The following ATAD2B variants were observed in gnomAD, a reference collection of about 807,000 sequenced individuals.
The protein encoded by ATAD2B is ATPase family AAA domain containing 2B, also known as ATPase family AAA domain-containing protein 2B.
Under a neutral mutation model 167.6 loss-of-function variants are expected in ATAD2B, and 40 were observed. That is an observed-to-expected ratio of 0.24 (90% CI 0.19 to 0.31). The LOEUF is 0.31. ATAD2B is among the 10% of genes least tolerant of loss of function. The pLI, the probability that ATAD2B is intolerant of heterozygous loss-of-function variation, is 1.00. For missense variants in ATAD2B, 1,242 were observed against 1,757.2 expected (o/e 0.71, Z 5.24); for synonymous variants, 579 against 596.5 (o/e 0.97, Z 0.43).
At chr2:23,870,574 C>T (rs1011977794) in intron 8 of ATAD2B, among the ~76,000 whole-genome samples, 1 of 151,734 alleles carries the variant, frequency 6.6e-6, no homozygotes, top group African/African-American at 2.4e-5. Flanking sequence ...ATATAAGCCA[C>T]CGCACAGGGC....
At chr2:23,889,924 C>CA (rs1432403903) in intron 2 of ATAD2B, among the ~76,000 whole-genome samples, 3 of 144,880 alleles carry the variant, frequency 2.1e-5, no homozygotes, top group Non-Finnish European at 4.6e-5. Flanking sequence ...ATCTAAAAAA[C>CA]AAAAAACAGG....
At chr2:23,687,362 C>G in the ATAD2B span, among the ~76,000 whole-genome samples, 2 of 152,232 alleles carry the variant, frequency 1.3e-5, no homozygotes, top group Non-Finnish European at 1.5e-5. Flanking sequence ...GTGTCCACCA[C>G]TCCAGCCCCA....
chr2:23,892,195 G>A (rs926350037), intron 2 of ATAD2B, among the ~76,000 whole-genome samples: 3 of 151,994 alleles, frequency 2.0e-5, no homozygotes, highest in Non-Finnish European at 4.4e-5. Context: ...ACGGAGTCTC[G>A]CTCTGTGGCC....
At chr2:23,716,005 G>C in the ATAD2B span, among the ~76,000 whole-genome samples, 1 of 152,144 alleles carries the variant, frequency 6.6e-6, no homozygotes, top group Non-Finnish European at 1.5e-5. Flanking sequence ...TTTCTAAAGG[G>C]ATGTTCTGTT....
In ATAD2B at chr2:23,750,705, T is replaced by TA. The variant is rs1249077131; in HGVS notation, c.*1340dup. The stretch of plus-strand genomic sequence containing the variant: ...TTCTTTTTGTTTAAAAATCATCTGA[T>TA]AAAAAAAGTCACTGCATCCTTTGCC... On this transcript the variant is annotated 3_prime_UTR_variant, in exon 28 of 28. Coordinates refer to ENST00000238789, the MANE Select transcript of ATAD2B (RefSeq NM_017552.4). The TA allele has an allele frequency of 3.3e-5, 5 of 152,078 alleles. No individual in the cohort carries two copies. The highest frequency in any genetic ancestry group is 7.2e-5 in the African/African-American group (3 of 41,428). 9.4% of individuals were successfully genotyped at this position (152,078 alleles called of 1,614,324 possible).
intron 7 of ATAD2B, among the ~76,000 whole-genome samples, chr2:23,880,438 C>G (rs549022116): frequency 6.6e-6 from 1 of 152,066 alleles, no homozygotes; most frequent in South Asian, 2.1e-4. Context: ...TGGCGGGCAC[C>G]TGTAGTCCCA....
At chr2:23,873,453 A>C (rs150801543) in intron 8 of ATAD2B, among the ~76,000 whole-genome samples, 1 of 152,338 alleles carries the variant, frequency 6.6e-6, no homozygotes, top group Non-Finnish European at 1.5e-5. Context: ...TAAAAATAGT[A>C]TAGTGTTTGC....
At chr2:23,842,754 T>A (rs954554720) in intron 13 of ATAD2B, among the ~76,000 whole-genome samples, 10 of 152,158 alleles carry the variant, frequency 6.6e-5, no homozygotes, top group Non-Finnish European at 1.0e-4. Context: ...TAGCTGGTCC[T>A]GAACAAAGCA....
intron 17 of ATAD2B, among the ~76,000 whole-genome samples, chr2:23,817,816 T>TA (rs1686682593): frequency 6.6e-6 from 1 of 152,100 alleles, no homozygotes; most frequent in Non-Finnish European, 1.5e-5. Flanking sequence ...TAAAGGAAGC[T>TA]AAAATTAAAC....
intron 22 of ATAD2B, among the ~76,000 whole-genome samples, chr2:23,780,974 T>C (rs1357655427): frequency 6.6e-6 from 1 of 152,010 alleles, no homozygotes; most frequent in Non-Finnish European, 1.5e-5. Context: ...ATGAATGTTT[T>C]AAAAATAAGA....
the ATAD2B span, among the ~76,000 whole-genome samples, chr2:23,716,824 T>C: frequency 6.6e-6 from 1 of 152,196 alleles, no homozygotes; most frequent in South Asian, 2.1e-4. Context: ...GGTGCCACTA[T>C]GAATACATGG....
At chr2:23,904,669 G>GA (rs1297392372) in intron 1 of ATAD2B, among the ~76,000 whole-genome samples, 3 of 149,974 alleles carry the variant, frequency 2.0e-5, no homozygotes, top group African/African-American at 4.9e-5. Context: ...AAGAGACAAA[G>GA]AAAAAACAGA....
the ATAD2B span, among the ~76,000 whole-genome samples, chr2:23,731,276 G>A: frequency 6.6e-6 from 1 of 152,114 alleles, no homozygotes; most frequent in East Asian, 1.9e-4. Context: ...TTTCCTATGT[G>A]ACTTGCACTG....
At chr2:23,742,310 T>C in the ATAD2B span, among the ~76,000 whole-genome samples, 25 of 152,018 alleles carry the variant, frequency 1.6e-4, no homozygotes, top group African/African-American at 6.0e-4. Flanking sequence ...AACCTAAATG[T>C]CCAACAACGA....
intron 19 of ATAD2B, among the ~76,000 whole-genome samples, chr2:23,791,844 G>T (rs1295253910): frequency 2.6e-5 from 4 of 152,084 alleles, no homozygotes; most frequent in African/African-American, 7.2e-5. Context: ...GTGAACATGG[G>T]TGTGCAAATA....
intron 12 of ATAD2B, among the ~76,000 whole-genome samples, chr2:23,861,076 T>G (rs935810460): frequency 5.3e-5 from 8 of 151,946 alleles, no homozygotes; most frequent in Non-Finnish European, 8.8e-5. Context: ...ACACCTGTAA[T>G]CCCAGTGCTT....
intron 6 of ATAD2B, among the ~76,000 whole-genome samples, chr2:23,882,502 TAAAAAAAAAAA>T (rs770725105): frequency 2.2e-5 from 2 of 92,200 alleles, no homozygotes; most frequent in African/African-American, 4.1e-5. Context: ...AGCCTCTATT[TAAAAAAAAAAA>T]AAAAAAAAAA....
intron 8 of ATAD2B, chr2:23,873,069 G>A (rs1416237488): frequency 1.9e-6 from 1 of 524,730 alleles, no homozygotes; most frequent in Non-Finnish European, 3.5e-6. Context: ...AACTCTTCAG[G>A]AAGATAGTTG....
intron 18 of ATAD2B, among the ~76,000 whole-genome samples, chr2:23,803,428 C>G (rs1424363): frequency 0.024 from 3,669 of 152,144 alleles, 399 homozygotes; most frequent in Admixed American, 0.2. Context: ...CTATTGAAAA[C>G]CTAGAATAGT....
Sources: allele counts gnomAD v4.1 joint callset (sites outside exome capture counted in the v4.1 genomes callset), GRCh38; gene constraint gnomAD v4.1.1; transcripts MANE v1.5; gene names NCBI Gene and HGNC (gene_info 2026-07-23, HGNC 2026-07-21).